Variants in PAN3 observed in about 807,000 individuals in gnomAD.
The protein encoded by PAN3 is PAN2-PAN3 deadenylation complex subunit PAN3.
In PAN3, 19 loss-of-function variants were observed where a neutral mutation model predicts 96.2. The observed-to-expected ratio is 0.20, with a 90% confidence interval of 0.14 to 0.29. The LOEUF is 0.29. PAN3 is among the 10% of genes least tolerant of loss of function. The probability of loss-of-function intolerance (pLI) is 1.00; values close to 1 mark genes in which losing one functional copy is unlikely to be tolerated. For missense variants in PAN3, 882 were observed against 1,108.1 expected (o/e 0.80, Z 2.90); for synonymous variants, 433 against 406.6 (o/e 1.06, Z -0.78).
chr13:28,235,061 T>C (rs1172747008), intron 6 of PAN3, among the ~76,000 whole-genome samples: 1 of 152,210 alleles, frequency 6.6e-6, no homozygotes, highest in Non-Finnish European at 1.5e-5. Flanking sequence ...CTGTTTTATA[T>C]ACCTATAATC....
At chr13:28,220,912 T>C (rs1881336298) in intron 6 of PAN3, among the ~76,000 whole-genome samples, 2 of 152,204 alleles carry the variant, frequency 1.3e-5, no homozygotes, top group Admixed American at 1.3e-4. Context: ...TGAGGGATCA[T>C]TGCAGTAGAG....
At chr13:28,176,787 GA>G (rs768573603) in intron 3 of PAN3, among the ~76,000 whole-genome samples, 2 of 151,810 alleles carry the variant, frequency 1.3e-5, no homozygotes, top group Non-Finnish European at 2.9e-5. Context: ...TGGGAGGAAT[GA>G]TTGAGCCCAG....
intron 1 of PAN3, among the ~76,000 whole-genome samples, chr13:28,167,436 T>C (rs975092520): frequency 6.6e-5 from 10 of 152,200 alleles, no homozygotes; most frequent in African/African-American, 2.2e-4. Context: ...GTTGGGATTA[T>C]AGGTGTGAGC....
At chr13:28,279,262 C>G (rs1348408030) in intron 15 of PAN3, among the ~76,000 whole-genome samples, 2 of 152,154 alleles carry the variant, frequency 1.3e-5, no homozygotes, top group African/African-American at 4.8e-5. Flanking sequence ...CTGCGTGTTA[C>G]TGCATTTCTC....
At chr13:28,230,352 G>A (rs45561131) in intron 6 of PAN3, among the ~76,000 whole-genome samples, 3 of 151,362 alleles carry the variant, frequency 2.0e-5, no homozygotes, top group Non-Finnish European at 2.9e-5. Context: ...AAATACTTAG[G>A]AAATGAGTAG....
chr13:28,205,700 G>A (rs1212763654), intron 5 of PAN3, among the ~76,000 whole-genome samples: 2 of 151,870 alleles, frequency 1.3e-5, no homozygotes, highest in African/African-American at 4.8e-5. Flanking sequence ...ATAATTAGCT[G>A]GGTGTGGTGA....
At chr13:28,162,898 A>G (rs1004641005) in intron 1 of PAN3, among the ~76,000 whole-genome samples, 15 of 151,908 alleles carry the variant, frequency 9.9e-5, no homozygotes, top group Non-Finnish European at 1.8e-4. Flanking sequence ...AAAATGTGCT[A>G]TTAGATTAAG....
At chr13:28,278,870 C>T (rs942739192) in intron 15 of PAN3, among the ~76,000 whole-genome samples, 1 of 151,866 alleles carries the variant, frequency 6.6e-6, no homozygotes, top group Non-Finnish European at 1.5e-5. Flanking sequence ...ATAGTTTATT[C>T]ACATGGGTAT....
intron 4 of PAN3, among the ~76,000 whole-genome samples, chr13:28,190,681 A>C (rs919215258): frequency 1.3e-5 from 2 of 152,338 alleles, no homozygotes; most frequent in South Asian, 2.1e-4. Context: ...ACAGTTACAC[A>C]TGGCTGAGAG....
chr13:28,197,266 G>A lies in PAN3; in HGVS notation c.772G>A (p.Gly258Ser). Residue 258 changes from glycine (G) to serine (S), a missense_variant, in exon 5 of 19, where the codon GGC becomes AGC. Physicochemically the swap from Gly to Ser is moderately conservative, Grantham distance 56 (BLOSUM62 0). Transcript: ENST00000380958. ...GGCACGAAAAGCAAAGAACCCTATT[G>A]GCTGCCTTGCTGACAGGTGTAAATC... ...SKARKAKNPI[G>S]CLADRCKSGV... 1 of 1,613,026 alleles carries A rather than the reference G, an allele frequency of 6.2e-7. No individual in the cohort carries two copies. Among genetic ancestry groups the A allele is most frequent in the Non-Finnish European group, 8.5e-7 (1 of 1,179,496 alleles).
chr13:28,193,806 T>C (rs1440259891), intron 4 of PAN3, among the ~76,000 whole-genome samples: 2 of 151,498 alleles, frequency 1.3e-5, no homozygotes, highest in East Asian at 3.9e-4. Flanking sequence ...TTTTCAATGT[T>C]GTTTACTGTA....
At chr13:28,168,582 G>A (rs1164877291) in intron 1 of PAN3, among the ~76,000 whole-genome samples, 2 of 152,128 alleles carry the variant, frequency 1.3e-5, no homozygotes, top group Non-Finnish European at 2.9e-5. Flanking sequence ...AGCCAGGCAT[G>A]GTGGCACATG....
intron 1 of PAN3, among the ~76,000 whole-genome samples, chr13:28,162,392 T>G (rs1566147855): frequency 6.6e-6 from 1 of 152,048 alleles, no homozygotes; most frequent in Non-Finnish European, 1.5e-5. Flanking sequence ...ATTGGAAAAG[T>G]GGAGGCAATC....
intron 17 of PAN3, among the ~76,000 whole-genome samples, chr13:28,282,470 A>G (rs1273174623): frequency 6.6e-6 from 1 of 152,160 alleles, no homozygotes. Flanking sequence ...CATTTTTAAT[A>G]AACTTTTAGC....
intron 2 of PAN3, among the ~76,000 whole-genome samples, chr13:28,175,489 T>C (rs1226325463): frequency 6.6e-6 from 1 of 152,182 alleles, no homozygotes; most frequent in Non-Finnish European, 1.5e-5. Context: ...CAAGTGATCC[T>C]CCTGCCGTGG....
At chr13:28,279,495 C>A (rs576647206) in intron 15 of PAN3, among the ~76,000 whole-genome samples, 1 of 152,106 alleles carries the variant, frequency 6.6e-6, no homozygotes, top group East Asian at 1.9e-4. Flanking sequence ...TGCAGTGGCT[C>A]ACACCTGTAA....
intron 16 of PAN3, 83 bp from the exon 17 acceptor site, chr13:28,281,232 G>T: frequency 2.0e-6 from 2 of 1,008,534 alleles, no homozygotes; most frequent in African/African-American, 1.6e-5. Flanking sequence ...TATTGGTACA[G>T]GTTACCAGTT....
chr13:28,270,625 C>G, intron 12 of PAN3, 76 bp from the exon 13 acceptor site: 4 of 1,459,444 alleles, frequency 2.7e-6, no homozygotes, highest in South Asian at 2.5e-5. Context: ...ATTGTCTTTG[C>G]TAATTTTGAT....
At position 28,278,369 on chromosome 13, in the gene PAN3, C is replaced by A. The variant is rs1887219645; in HGVS notation, c.2189+993C>A. On this transcript the variant is annotated intron_variant, in intron 15 of 18. Transcript: ENST00000380958. Reference sequence around the variant, plus strand: ...ATACTTGTTTTATATATGATCACAACAGTGATTCCTAGCCTTAGTTTGCAA... The same window carrying A: ...ATACTTGTTTTATATATGATCACAAAAGTGATTCCTAGCCTTAGTTTGCAA... 2.0e-5 allele frequency among the ~76,000 whole-genome samples: 3 copies of A among 152,174 alleles called. No individual in the cohort carries two copies. In the South Asian group the frequency reaches 6.2e-4, roughly 32 times the overall value.
Sources: allele counts gnomAD v4.1 joint callset (sites outside exome capture counted in the v4.1 genomes callset), GRCh38; gene constraint gnomAD v4.1.1; transcripts MANE v1.5; gene names NCBI Gene and HGNC (gene_info 2026-07-23, HGNC 2026-07-21).